The following MEIS1 variants were observed in gnomAD, a reference collection of about 807,000 sequenced individuals.
MEIS1 encodes the protein homeobox protein Meis1.
A neutral mutation model predicts 50.8 loss-of-function variants in MEIS1; 5 were observed. The observed-to-expected ratio is 0.10, with a 90% CI of 0.05 to 0.21. The LOEUF is 0.21. MEIS1 is among the 10% of genes least tolerant of loss of function. The probability of loss-of-function intolerance (pLI) is 1.00; values close to 1 mark genes in which losing one functional copy is unlikely to be tolerated. For synonymous variants in MEIS1, 176 were observed against 179.3 expected, an observed-to-expected ratio of 0.98 and a Z score of 0.15; for missense variants, 318 against 517.3, an observed-to-expected ratio of 0.61 and a Z score of 3.74.
chr2:66,550,312 C>T (rs1674888542), intron 9 of MEIS1, among the ~76,000 whole-genome samples: 1 of 152,092 alleles, frequency 6.6e-6, no homozygotes, highest in Non-Finnish European at 1.5e-5. Flanking sequence ...GCAATTGTTT[C>T]AACATTTAAC....
intron 8 of MEIS1, among the ~76,000 whole-genome samples, chr2:66,545,555 AAT>A (rs1674768748): frequency 6.6e-6 from 1 of 152,194 alleles, no homozygotes; most frequent in African/African-American, 2.4e-5. Context: ...TATACAATCT[AAT>A]AGAGTCACCT....
chr2:66,510,791 C>G (rs899775710), intron 7 of MEIS1, among the ~76,000 whole-genome samples: 1 of 151,898 alleles, frequency 6.6e-6, no homozygotes, highest in Non-Finnish European at 1.5e-5. Context: ...TTGCAACATA[C>G]CTACTATAGA....
At chr2:66,436,979 A>G in intron 1 of MEIS1, 1 of 978,016 alleles carries the variant, frequency 1.0e-6, no homozygotes, top group Non-Finnish European at 1.2e-6. Context: ...TCTAGTCTGG[A>G]AACAAAGTTC....
At chr2:66,530,510 C>A (rs975357172) in intron 8 of MEIS1, among the ~76,000 whole-genome samples, 1 of 151,868 alleles carries the variant, frequency 6.6e-6, no homozygotes, top group Non-Finnish European at 1.5e-5. Context: ...GTCAGGAGAT[C>A]GAGACCATCC....
chr2:66,535,948 A>G (rs935032752), intron 8 of MEIS1, among the ~76,000 whole-genome samples: 6 of 152,244 alleles, frequency 3.9e-5, no homozygotes, highest in Non-Finnish European at 5.9e-5. Flanking sequence ...AACAATGGAT[A>G]AAGAGAAAAG....
intron 8 of MEIS1, among the ~76,000 whole-genome samples, chr2:66,517,047 C>T (rs1002125360): frequency 6.6e-6 from 1 of 152,090 alleles, no homozygotes; most frequent in Non-Finnish European, 1.5e-5. Flanking sequence ...TCCTCTCCTC[C>T]CATTTCTATT....
At chr2:66,513,253 T>C (rs1673876515) in intron 8 of MEIS1, among the ~76,000 whole-genome samples, 1 of 152,164 alleles carries the variant, frequency 6.6e-6, no homozygotes, top group African/African-American at 2.4e-5. Context: ...TAAAAACTCT[T>C]GAGGGTTGTT....
chr2:66,476,718 C>T (rs910240960), intron 7 of MEIS1, among the ~76,000 whole-genome samples: 6 of 152,138 alleles, frequency 3.9e-5, no homozygotes, highest in African/African-American at 9.7e-5. Flanking sequence ...ACCCTTGTCA[C>T]GGGGCCTGAA....
chr2:66,487,492 C>T (rs532038640), intron 7 of MEIS1, among the ~76,000 whole-genome samples: 1 of 152,172 alleles, frequency 6.6e-6, no homozygotes, highest in Non-Finnish European at 1.5e-5. Context: ...AACTGTTTAA[C>T]CACTTATTTT....
intron 7 of MEIS1, among the ~76,000 whole-genome samples, chr2:66,509,371 G>A (rs1434206610): frequency 1.3e-5 from 2 of 152,176 alleles, no homozygotes; most frequent in East Asian, 3.9e-4. Flanking sequence ...TGGATTGAAA[G>A]CATTTGCTTC....
chr2:66,485,511 T>A (rs1439007953), intron 7 of MEIS1, among the ~76,000 whole-genome samples: 1 of 152,216 alleles, frequency 6.6e-6, no homozygotes, highest in Non-Finnish European at 1.5e-5. Context: ...GATGGGCATT[T>A]GGGTTGGTTC....
At chr2:66,532,236 C>T (rs972908872) in intron 8 of MEIS1, among the ~76,000 whole-genome samples, 3 of 152,076 alleles carry the variant, frequency 2.0e-5, no homozygotes, top group East Asian at 1.9e-4. Flanking sequence ...TATTAAACCC[C>T]GTAGGCAGAT....
chr2:66,573,176 C>T lies in MEIS1; in HGVS notation c.*1968C>T, dbSNP rs1238134524. ...TCAAAATCTAATTTTTATAAATATG[C>T]TCTATGTTCTCATTGGATAAAACTG... On this transcript the variant is annotated 3_prime_UTR_variant, in exon 13 of 13. Transcript: ENST00000272369. 3.3e-5 allele frequency: 5 copies of T among 152,272 alleles called. No homozygotes were observed. The East Asian group carries it at 9.7e-4, about 29-fold the overall frequency. The allele number at this position is 152,272 out of a possible 1,614,324, so 9.4% of individuals were successfully genotyped here. A position where few individuals can be genotyped will look rare whatever the true frequency, so the allele number is the denominator to read the frequency against.
chr2:66,471,161 T>C (rs1302894705), intron 7 of MEIS1, among the ~76,000 whole-genome samples: 3 of 152,192 alleles, frequency 2.0e-5, no homozygotes, highest in Non-Finnish European at 4.4e-5. Context: ...CTTTACTGAT[T>C]CCATCCTCAT....
chr2:66,499,134 G>A (rs1454885031), intron 7 of MEIS1, among the ~76,000 whole-genome samples: 1 of 152,212 alleles, frequency 6.6e-6, no homozygotes, highest in Non-Finnish European at 1.5e-5. Context: ...AATCACTGAT[G>A]CATGCTAGTA....
chr2:66,483,018 A>G (rs985654333), intron 7 of MEIS1, among the ~76,000 whole-genome samples: 2 of 152,244 alleles, frequency 1.3e-5, no homozygotes, highest in Admixed American at 1.3e-4. Flanking sequence ...AAGTAGTATT[A>G]GTACCTACTT....
chr2:66,513,661 A>G (rs1419285065), intron 8 of MEIS1, among the ~76,000 whole-genome samples: 2 of 152,102 alleles, frequency 1.3e-5, no homozygotes, highest in East Asian at 3.8e-4. Context: ...TATCTAGACT[A>G]CACTACAGTT....
chr2:66,562,890 G>A (rs1012064959), intron 9 of MEIS1, among the ~76,000 whole-genome samples: 2 of 152,068 alleles, frequency 1.3e-5, no homozygotes, highest in African/African-American at 4.8e-5. Flanking sequence ...TGTTTTCAAA[G>A]CAAACTAGAT....
intron 9 of MEIS1, among the ~76,000 whole-genome samples, chr2:66,549,932 AAT>A (rs1362503713): frequency 6.6e-6 from 1 of 152,118 alleles, no homozygotes; most frequent in African/African-American, 2.4e-5. Context: ...GACTTCAAGC[AAT>A]ATATATATAC....
Sources: gnomAD v4.1 joint callset for allele counts (sites outside exome capture counted in the v4.1 genomes callset) on GRCh38, gnomAD v4.1.1 for gene constraint, MANE v1.5 for transcripts, NCBI Gene and HGNC (gene_info 2026-07-23, HGNC 2026-07-21) for gene names.